The following CGNL1 variants were observed in gnomAD, a reference collection of about 807,000 sequenced individuals.
CGNL1 encodes cingulin-like protein 1.
Under a neutral mutation model 141.2 loss-of-function variants are expected in CGNL1, and 132 were observed. That is an observed-to-expected ratio of 0.93 (90% confidence interval 0.81 to 1.08). The LOEUF is 1.08. Ranked by LOEUF, CGNL1 falls within the 50% of genes least tolerant of loss-of-function variation. The pLI, the probability that CGNL1 is intolerant of heterozygous loss-of-function variation, is 0.00. For missense variants in CGNL1, 1,870 were observed against 1,588.6 expected, an observed-to-expected ratio of 1.18 and a Z score of -3.01; for synonymous variants, 690 against 622.1, an observed-to-expected ratio of 1.11 and a Z score of -1.63.
chr15:57,384,639 CTTTG>C (rs1216383225), intron 1 of CGNL1, among the ~76,000 whole-genome samples: 7 of 151,694 alleles, frequency 4.6e-5, no homozygotes, highest in African/African-American at 1.7e-4. Flanking sequence ...CATAAGTGCT[CTTTG>C]TTTATGTGTC....
intron 8 of CGNL1, among the ~76,000 whole-genome samples, chr15:57,470,664 G>A (rs1252507865): frequency 6.6e-6 from 1 of 152,216 alleles, no homozygotes; most frequent in African/African-American, 2.4e-5. Flanking sequence ...ATGCCTGAGT[G>A]TGTTTTCTGT....
intron 2 of CGNL1, 65 bp from the exon 3 acceptor site, chr15:57,440,312 G>A: frequency 1.7e-6 from 2 of 1,153,334 alleles, no homozygotes; most frequent in Non-Finnish European, 2.5e-6. Flanking sequence ...TGGAGGAATT[G>A]TTTGGTGTTT....
chr15:57,494,624 T>A (rs979449119), intron 8 of CGNL1, among the ~76,000 whole-genome samples: 1 of 152,222 alleles, frequency 6.6e-6, no homozygotes, highest in Admixed American at 6.5e-5. Flanking sequence ...TTCTTTCTGT[T>A]TGGGGCTAAA....
At chr15:57,420,647 T>C (rs1223257315) in intron 1 of CGNL1, among the ~76,000 whole-genome samples, 1 of 152,246 alleles carries the variant, frequency 6.6e-6, no homozygotes, top group African/African-American at 2.4e-5. Flanking sequence ...GCCTTTGGTC[T>C]TACAGATTCC....
chr15:57,493,890 A>G (rs2063901098), intron 8 of CGNL1, among the ~76,000 whole-genome samples: 1 of 152,270 alleles, frequency 6.6e-6, no homozygotes, highest in African/African-American at 2.4e-5. Flanking sequence ...TATATATGAC[A>G]TTGGTCCAGG....
chr15:57,504,716 T>C (rs1350153530), intron 8 of CGNL1, among the ~76,000 whole-genome samples: 1 of 152,194 alleles, frequency 6.6e-6, no homozygotes, highest in African/African-American at 2.4e-5. Context: ...TAATGGGCTC[T>C]TGGAGCTTGT....
chr15:57,539,608 C>G (rs527318672), intron 14 of CGNL1, among the ~76,000 whole-genome samples: 3 of 152,230 alleles, frequency 2.0e-5, no homozygotes, highest in Non-Finnish European at 4.4e-5. Flanking sequence ...AGCGCCTCCT[C>G]TGAGCTTTGC....
intron 1 of CGNL1, among the ~76,000 whole-genome samples, chr15:57,424,069 G>T (rs1328176806): frequency 6.6e-6 from 1 of 152,114 alleles, no homozygotes; most frequent in East Asian, 1.9e-4. Flanking sequence ...TTATATTCAG[G>T]CCCACGACAC....
At chr15:57,427,972 C>CT (rs66738408) in intron 1 of CGNL1, among the ~76,000 whole-genome samples, 1,556 of 148,392 alleles carry the variant, frequency 0.01, 25 homozygotes, top group African/African-American at 0.036. Context: ...AAAACCTTGA[C>CT]TTTTTTTTTT....
At chr15:57,461,518 G>A (rs1298309980) in intron 7 of CGNL1, among the ~76,000 whole-genome samples, 162 bp from the exon 8 acceptor site, 1 of 152,190 alleles carries the variant, frequency 6.6e-6, no homozygotes, top group African/African-American at 2.4e-5. Context: ...TGCAGGGGGA[G>A]AGGAAGAAAT....
intron 8 of CGNL1, among the ~76,000 whole-genome samples, chr15:57,478,618 CTGTGAAAGGAT>C (rs1382206915): frequency 1.1e-4 from 16 of 152,126 alleles, no homozygotes; most frequent in African/African-American, 3.9e-4. Flanking sequence ...TAGGCCTAGA[CTGTGAAAGGAT>C]ACATGGTGAC....
intron 6 of CGNL1, among the ~76,000 whole-genome samples, 160 bp from the exon 7 acceptor site, chr15:57,453,523 C>A (rs1356274209): frequency 6.6e-6 from 1 of 152,158 alleles, no homozygotes; most frequent in Non-Finnish European, 1.5e-5. Context: ...TCTCAGCCAC[C>A]TTTTCAGGTT....
In CGNL1 at chr15:57,438,888, T is replaced by C. The variant is rs755806645; in HGVS notation, c.889T>C (p.Ser297Pro). ...VLDGARSRRSSSSSTTPTSAN... is the reference protein window; with the variant it reads ...VLDGARSRRSPSSSTTPTSAN... ...GGATGGAGCTCGGTCCCGGAGGTCCTCCTCGTCATCCACAACTCCCACGTC... is the reference window on the plus strand; with the variant it reads ...GGATGGAGCTCGGTCCCGGAGGTCCCCCTCGTCATCCACAACTCCCACGTC... Residue 297 changes from serine (S) to proline (P), a missense_variant, in exon 2 of 19, where the codon TCC (serine) becomes CCC (proline). Ser to Pro is a moderately conservative substitution (Grantham distance 74). Transcript: ENST00000281282. 1.2e-6 allele frequency: 2 copies of C among 1,614,184 alleles called. No homozygotes were observed. Among genetic ancestry groups the C allele is most frequent in the Admixed American group, 3.3e-5 (2 of 60,022 alleles).
At chr15:57,454,916 G>C (rs1309631670) in intron 7 of CGNL1, among the ~76,000 whole-genome samples, 1 of 151,744 alleles carries the variant, frequency 6.6e-6, no homozygotes, top group Non-Finnish European at 1.5e-5. Flanking sequence ...GGGGGAGGGG[G>C]GGACGTACAC....
chr15:57,491,538 A>G (rs183827209), intron 8 of CGNL1, among the ~76,000 whole-genome samples: 1 of 152,350 alleles, frequency 6.6e-6, no homozygotes, highest in East Asian at 1.9e-4. Context: ...GTTAGCTGAT[A>G]CAATGAAAGA....
At chr15:57,465,141 G>C (rs1042863786) in intron 8 of CGNL1, among the ~76,000 whole-genome samples, 5 of 152,226 alleles carry the variant, frequency 3.3e-5, no homozygotes, top group Middle Eastern at 3.4e-3. Flanking sequence ...AAATGTGATA[G>C]AGTCATATTT....
At chr15:57,405,045 T>C (rs2062700139) in intron 1 of CGNL1, 2 of 152,338 alleles carry the variant, frequency 1.3e-5, no homozygotes, top group East Asian at 3.9e-4. Context: ...GCCACATTTG[T>C]ATTGGTGCTT....
At chr15:57,426,521 A>T (rs2152289804) in intron 1 of CGNL1, among the ~76,000 whole-genome samples, 1 of 149,708 alleles carries the variant, frequency 6.7e-6, no homozygotes, top group Non-Finnish European at 1.5e-5. Flanking sequence ...ATCATGGCTC[A>T]CTGCAGCCTC....
intron 1 of CGNL1, among the ~76,000 whole-genome samples, chr15:57,380,168 G>A (rs2152211646): frequency 6.6e-6 from 1 of 152,260 alleles, no homozygotes; most frequent in South Asian, 2.1e-4. Context: ...TGAGTAGCTG[G>A]AATTACAGGC....
Sources: allele counts gnomAD v4.1 joint callset (sites outside exome capture counted in the v4.1 genomes callset), GRCh38; gene constraint gnomAD v4.1.1; transcripts MANE v1.5; gene names NCBI Gene and HGNC (gene_info 2026-07-23, HGNC 2026-07-21).